XAF1: variants seen among roughly 807,000 people sequenced by gnomAD.
The protein encoded by XAF1 is XIAP associated factor 1.
Under a neutral mutation model 32.3 loss-of-function variants are expected in XAF1, and 32 were observed. That is an observed-to-expected ratio of 0.99 (90% CI 0.75 to 1.33). XAF1 has a LOEUF of 1.33. XAF1 is among the 40% of genes most tolerant of loss of function. The probability of loss-of-function intolerance (pLI) is 0.00; values close to 1 mark genes in which losing one functional copy is unlikely to be tolerated. For synonymous variants in XAF1, 120 were observed against 125.9 expected (o/e 0.95, Z 0.31); for missense variants, 379 against 366.0 (o/e 1.04, Z -0.29).
intron 5 of XAF1, among the ~76,000 whole-genome samples, chr17:6,769,038 C>G (rs571750824): frequency 0.014 from 1,450 of 104,340 alleles, 21 homozygotes; most frequent in South Asian, 0.016. Context: ...CTTCATGACT[C>G]TCTTTTTTTT....
chr17:6,755,509 A>G, upstream of XAF1: 1 of 987,676 alleles, frequency 1.0e-6, no homozygotes, highest in Non-Finnish European at 1.2e-6. Flanking sequence ...AACTCTAAGG[A>G]CCCCCAGGAG....
At chr17:6,771,273 G>A (rs1976015312) in intron 6 of XAF1, 1 of 320,490 alleles carries the variant, frequency 3.1e-6, no homozygotes, top group Non-Finnish European at 5.8e-6. Flanking sequence ...TTGATTTGGA[G>A]CAACTGCTTC....
At chr17:6,770,603 G>T (rs1173671046) in intron 5 of XAF1, 40 bp from the exon 6 acceptor site, 1 of 1,490,526 alleles carries the variant, frequency 6.7e-7, no homozygotes, top group African/African-American at 1.4e-5. Flanking sequence ...CATTAAAGCT[G>T]AAGTCATTTT....
chr17:6,758,005 C>G, intron 1 of XAF1, 84 bp from the exon 2 acceptor site: 1 of 1,582,160 alleles, frequency 6.3e-7, no homozygotes, highest in Non-Finnish European at 8.6e-7. Context: ...CTCTGGAGAT[C>G]TAGCCCTGGG....
intron 2 of XAF1, chr17:6,759,235 T>C: frequency 9.3e-7 from 1 of 1,077,492 alleles, no homozygotes; most frequent in Non-Finnish European, 1.1e-6. Flanking sequence ...AGTTTTCCTA[T>C]TTCCAATCCT....
intron 6 of XAF1, chr17:6,772,897 C>T (rs554927838): frequency 2.3e-5 from 11 of 483,422 alleles, no homozygotes; most frequent in African/African-American, 1.6e-4. Context: ...CCATCTGTCC[C>T]TCCACCCAGT....
intron 6 of XAF1, among the ~76,000 whole-genome samples, chr17:6,772,283 G>A (rs189569513): frequency 6.6e-6 from 1 of 151,968 alleles, no homozygotes; most frequent in East Asian, 1.9e-4. Context: ...GAGAAACAAA[G>A]AATTGTTTTT....
At chr17:6,756,306 C>T in intron 1 of XAF1, 196 bp downstream of exon 1, 2 of 1,401,250 alleles carry the variant, frequency 1.4e-6, no homozygotes, top group South Asian at 1.5e-5. Flanking sequence ...GGCAGCATTA[C>T]CTCCACTTCA....
At chr17:6,768,126 TTTC>T (rs996833211) in intron 5 of XAF1, among the ~76,000 whole-genome samples, 1 of 150,746 alleles carries the variant, frequency 6.6e-6, no homozygotes, top group African/African-American at 2.5e-5. Flanking sequence ...TCTTTCTTTC[TTTC>T]TTTTTTTTTT....
intron 1 of XAF1, among the ~76,000 whole-genome samples, chr17:6,756,478 C>T (rs1974669136): frequency 6.6e-6 from 1 of 151,938 alleles, no homozygotes; most frequent in African/African-American, 2.4e-5. Context: ...AAGAAAGTGT[C>T]CCACGGAGAT....
intron 2 of XAF1, chr17:6,759,322 G>A: frequency 1.6e-6 from 2 of 1,285,868 alleles, no homozygotes; most frequent in Non-Finnish European, 2.0e-6. Flanking sequence ...CTTGAGATCT[G>A]TAAAGAGAGG....
At chr17:6,772,269 T>C (rs956654012) in intron 6 of XAF1, among the ~76,000 whole-genome samples, 4 of 152,112 alleles carry the variant, frequency 2.6e-5, no homozygotes, top group Non-Finnish European at 5.9e-5. Flanking sequence ...AAATTTGAAT[T>C]TCAGAGAAAC....
chr17:6,765,374 C>G (rs1975528284), intron 5 of XAF1, among the ~76,000 whole-genome samples: 1 of 152,112 alleles, frequency 6.6e-6, no homozygotes, highest in South Asian at 2.1e-4. Flanking sequence ...GATCACGCCA[C>G]TACACTGCAG....
At chr17:6,766,712 C>A (rs191944153) in intron 5 of XAF1, among the ~76,000 whole-genome samples, 1 of 152,210 alleles carries the variant, frequency 6.6e-6, no homozygotes, top group African/African-American at 2.4e-5. Context: ...ATAATTGCTT[C>A]GGTTTTTCAT....
At chr17:6,756,792 G>C (rs1251222795) in intron 1 of XAF1, among the ~76,000 whole-genome samples, 1 of 152,170 alleles carries the variant, frequency 6.6e-6, no homozygotes, top group East Asian at 1.9e-4. Context: ...GATGCTGCCT[G>C]TGTGCCCGCT....
chr17:6,756,444 T>C (rs1442809925), intron 1 of XAF1, among the ~76,000 whole-genome samples: 6 of 151,946 alleles, frequency 3.9e-5, no homozygotes, highest in Admixed American at 3.3e-4. Flanking sequence ...GTTCTGATAC[T>C]ATGACCTTCA....
chr17:6,769,439 T>C (rs1567660535), intron 5 of XAF1, among the ~76,000 whole-genome samples: 1 of 152,176 alleles, frequency 6.6e-6, no homozygotes. Context: ...AATTAGAAAA[T>C]TTCAAATTTA....
At chr17:6,755,864 G>T (rs1394843412), upstream of XAF1, 1 of 1,383,638 alleles carries the variant, frequency 7.2e-7, no homozygotes, top group African/African-American at 1.5e-5. Context: ...CAGCAGCAAA[G>T]AATGACGGCC....
chr17:6,772,550 G>A (rs778379000), intron 6 of XAF1, among the ~76,000 whole-genome samples: 4 of 141,716 alleles, frequency 2.8e-5, no homozygotes, highest in Admixed American at 7.5e-5. Flanking sequence ...GGCTCACTGC[G>A]ATCTCTGCCT....
Sources: allele counts gnomAD v4.1 joint callset (sites outside exome capture counted in the v4.1 genomes callset), GRCh38; gene constraint gnomAD v4.1.1; transcripts MANE v1.5; gene names NCBI Gene and HGNC (gene_info 2026-07-23, HGNC 2026-07-21).